The following ADGRV1 variants were observed in gnomAD, a reference collection of about 807,000 sequenced individuals.
ADGRV1 encodes the protein adhesion G protein-coupled receptor V1, also known as G-protein coupled receptor 98.
Under a neutral mutation model 596.2 loss-of-function variants are expected in ADGRV1, and 359 were observed. The ratio of observed to expected loss-of-function variants is 0.60; its 90% CI spans 0.55 to 0.66. The LOEUF (loss-of-function observed/expected upper bound fraction) is 0.66. ADGRV1 is among the 30% of genes least tolerant of loss of function. The pLI, the probability that ADGRV1 is intolerant of heterozygous loss-of-function variation, is 0.00. For synonymous variants in ADGRV1, 2,681 were observed against 2,679.2 expected, an observed-to-expected ratio of 1.00 and a Z score of -0.02; for missense variants, 7,274 against 7,575.6, an observed-to-expected ratio of 0.96 and a Z score of 1.48.
intron 1 of ADGRV1, among the ~76,000 whole-genome samples, chr5:90,573,295 A>G (rs1054363086): frequency 3.9e-5 from 6 of 152,170 alleles, no homozygotes; most frequent in Non-Finnish European, 8.8e-5. Flanking sequence ...GTGGAGACTT[A>G]TCTAAATTAC....
At chr5:90,632,628 C>T (rs1363531430) in intron 9 of ADGRV1, among the ~76,000 whole-genome samples, 1 of 152,174 alleles carries the variant, frequency 6.6e-6, no homozygotes, top group Non-Finnish European at 1.5e-5. Context: ...CTTAGCTACT[C>T]TGCTTCAGCA....
chr5:90,961,599 G>A (rs1370608564), intron 83 of ADGRV1, among the ~76,000 whole-genome samples: 1 of 151,538 alleles, frequency 6.6e-6, no homozygotes, highest in African/African-American at 2.4e-5. Context: ...ATATATTAAG[G>A]AGCACTGAGA....
At chr5:90,669,089 G>A (rs1417906188) in intron 21 of ADGRV1, among the ~76,000 whole-genome samples, 2 of 152,108 alleles carry the variant, frequency 1.3e-5, no homozygotes, top group African/African-American at 4.8e-5. Context: ...GAGATGTTAC[G>A]ATCCCCATTT....
At chr5:90,741,752 A>G (rs896286342) in intron 50 of ADGRV1, among the ~76,000 whole-genome samples, 2 of 152,236 alleles carry the variant, frequency 1.3e-5, no homozygotes, top group African/African-American at 4.8e-5. Flanking sequence ...TTGAGGCTGT[A>G]GAAGTATGAA....
At chr5:90,905,116 A>G (rs1281114575) in intron 83 of ADGRV1, among the ~76,000 whole-genome samples, 1 of 152,014 alleles carries the variant, frequency 6.6e-6, no homozygotes, top group East Asian at 1.9e-4. Flanking sequence ...TTTACACTGT[A>G]CCATACTGTT....
At chr5:90,871,174 T>G (rs79636565) in intron 83 of ADGRV1, among the ~76,000 whole-genome samples, 10,106 of 152,202 alleles carry the variant, frequency 0.066, 514 homozygotes, top group East Asian at 0.22. Flanking sequence ...AATATTAATA[T>G]TATGCTATTC....
At chr5:91,057,274 G>C (rs1430354292) in intron 85 of ADGRV1, among the ~76,000 whole-genome samples, 1 of 151,982 alleles carries the variant, frequency 6.6e-6, no homozygotes, top group Non-Finnish European at 1.5e-5. Context: ...AGATTTATTT[G>C]AAGAAAGAAA....
At chr5:90,803,244 T>A (rs1761572735) in intron 71 of ADGRV1, among the ~76,000 whole-genome samples, 1 of 151,954 alleles carries the variant, frequency 6.6e-6, no homozygotes, top group Non-Finnish European at 1.5e-5. Flanking sequence ...CAGGGGCGAG[T>A]TTGTCTTGAT....
chr5:90,784,164 A>G, intron 67 of ADGRV1, 107 bp downstream of exon 67: 2 of 722,260 alleles, frequency 2.8e-6, no homozygotes, highest in Non-Finnish European at 2.2e-6. Context: ...GCCAATCAAT[A>G]TTTATTAATT....
chr5:90,564,778 C>T (rs1465980363), intron 1 of ADGRV1, among the ~76,000 whole-genome samples: 2 of 90,152 alleles, frequency 2.2e-5, no homozygotes, highest in East Asian at 3.3e-4. Context: ...AGGCGCCCGC[C>T]ACTGCGCCCG....
chr5:91,130,280 C>A (rs1794101237), intron 87 of ADGRV1, among the ~76,000 whole-genome samples: 1 of 150,368 alleles, frequency 6.7e-6, no homozygotes, highest in Non-Finnish European at 1.5e-5. Flanking sequence ...GCCTGTAATC[C>A]CAGCACTTTG....
At chr5:91,017,735 T>G (rs893112511) in intron 85 of ADGRV1, among the ~76,000 whole-genome samples, 3 of 151,920 alleles carry the variant, frequency 2.0e-5, no homozygotes, top group Non-Finnish European at 4.4e-5. Flanking sequence ...AGTGTGTGGT[T>G]TCCAGGTGAC....
At chr5:90,917,703 G>T (rs77356720) in intron 83 of ADGRV1, among the ~76,000 whole-genome samples, 2,554 of 152,158 alleles carry the variant, frequency 0.017, 80 homozygotes, top group African/African-American at 0.058. Context: ...ATTTTGTATT[G>T]TTTATTATCC....
At chr5:91,072,654 T>C (rs1010567789) in intron 86 of ADGRV1, 50 bp downstream of exon 86, 7 of 1,556,704 alleles carry the variant, frequency 4.5e-6, no homozygotes, top group Admixed American at 1.9e-5. Flanking sequence ...GCTTTAATGG[T>C]GGGAAAATGT....
chr5:90,784,887 A>C (rs1409933392), intron 67 of ADGRV1, among the ~76,000 whole-genome samples: 1 of 152,176 alleles, frequency 6.6e-6, no homozygotes, highest in Non-Finnish European at 1.5e-5. Context: ...TCAAGCTACC[A>C]ATGACTTTCT....
chr5:91,093,976 C>T (rs532165010), intron 86 of ADGRV1, among the ~76,000 whole-genome samples: 52 of 151,614 alleles, frequency 3.4e-4, no homozygotes, highest in African/African-American at 1.2e-3. Flanking sequence ...CTCAGCCTCC[C>T]GAGTAGCTGG....
intron 86 of ADGRV1, among the ~76,000 whole-genome samples, chr5:91,082,457 G>T (rs1165143094): frequency 1.3e-5 from 2 of 152,058 alleles, no homozygotes; most frequent in Non-Finnish European, 2.9e-5. Flanking sequence ...CTCCCGAGTA[G>T]CCAGGACTAT....
At chr5:90,743,071 C>T (rs1032080318) in intron 50 of ADGRV1, among the ~76,000 whole-genome samples, 3 of 152,128 alleles carry the variant, frequency 2.0e-5, no homozygotes, top group African/African-American at 7.2e-5. Flanking sequence ...CATTGGAAGT[C>T]CGTGAGTACA....
At chr5:91,056,757 T>G (rs1786905884) in intron 85 of ADGRV1, among the ~76,000 whole-genome samples, 1 of 152,172 alleles carries the variant, frequency 6.6e-6, no homozygotes, top group Non-Finnish European at 1.5e-5. Context: ...CAAAACTTCT[T>G]GAACCACCGC....
Sources: allele counts gnomAD v4.1 joint callset (sites outside exome capture counted in the v4.1 genomes callset), GRCh38; gene constraint gnomAD v4.1.1; transcripts MANE v1.5; gene names NCBI Gene and HGNC (gene_info 2026-07-23, HGNC 2026-07-21).